RYR3: variants seen among roughly 807,000 people sequenced by gnomAD.
RYR3 encodes the protein brain ryanodine receptor-calcium release channel.
A neutral mutation model predicts 584.3 loss-of-function variants in RYR3; 207 were observed. That is an observed-to-expected ratio of 0.35 (90% CI 0.32 to 0.40). The LOEUF (loss-of-function observed/expected upper bound fraction) is 0.40. RYR3 is among the 10% of genes least tolerant of loss of function. RYR3 has a pLI of 1.00. For missense variants in RYR3, 5,616 were observed against 6,089.2 expected (o/e 0.92, Z 2.59); for synonymous variants, 2,416 against 2,248.5 (o/e 1.07, Z -2.11).
chr15:33,749,476 C>T (rs1016490482), intron 55 of RYR3, among the ~76,000 whole-genome samples: 2 of 152,176 alleles, frequency 1.3e-5, no homozygotes, highest in Admixed American at 1.3e-4. Context: ...AAAGTACATC[C>T]TTCATTCTAA....
chr15:33,457,842 A>G (rs182501902), intron 1 of RYR3, among the ~76,000 whole-genome samples: 4 of 152,308 alleles, frequency 2.6e-5, no homozygotes, highest in Admixed American at 2.6e-4. Context: ...CAAACTTGCA[A>G]TTATGTGTTC....
intron 60 of RYR3, among the ~76,000 whole-genome samples, chr15:33,767,348 C>T (rs575821425): frequency 6.6e-6 from 1 of 152,072 alleles, no homozygotes; most frequent in African/African-American, 2.4e-5. Context: ...AAAAAAAGAG[C>T]AGCCGATATT....
intron 43 of RYR3, among the ~76,000 whole-genome samples, chr15:33,707,815 AGTT>A (rs2066823459): frequency 6.6e-6 from 1 of 151,668 alleles, no homozygotes; most frequent in South Asian, 2.1e-4. Flanking sequence ...CAATCATGCC[AGTT>A]GTTCTAAGAA....
intron 1 of RYR3, among the ~76,000 whole-genome samples, chr15:33,471,594 TAA>T (rs3084420): frequency 0.46 from 64,650 of 142,014 alleles, 14,493 homozygotes; most frequent in Middle Eastern, 0.54. Context: ...CATGCCTTTG[TAA>T]AAAAAAAAAA....
chr15:33,698,783 G>C (rs572520546), intron 40 of RYR3, among the ~76,000 whole-genome samples: 244 of 152,194 alleles, frequency 1.6e-3, no homozygotes, highest in Non-Finnish European at 3.1e-3. Context: ...CTGAGCACAT[G>C]TCTGGATGCC....
chr15:33,452,370 C>T (rs1471899655), intron 1 of RYR3, among the ~76,000 whole-genome samples: 2 of 152,150 alleles, frequency 1.3e-5, no homozygotes, highest in Non-Finnish European at 2.9e-5. Flanking sequence ...TTTAAAGCAG[C>T]ATCTCAATTG....
intron 1 of RYR3, among the ~76,000 whole-genome samples, chr15:33,332,923 G>T (rs1410216393): frequency 2.0e-5 from 3 of 151,968 alleles, no homozygotes; most frequent in Admixed American, 1.3e-4. Flanking sequence ...ACTCAACTTT[G>T]TTTTTGTAGC....
intron 80 of RYR3, 43 bp from the exon 81 acceptor site, chr15:33,822,953 T>C (rs2077187690): frequency 1.3e-6 from 2 of 1,537,650 alleles, no homozygotes; most frequent in Non-Finnish European, 1.8e-6. Context: ...CTCTGTGGTA[T>C]AGTTTTCATC....
chr15:33,326,718 T>G (rs1969748751), intron 1 of RYR3, among the ~76,000 whole-genome samples: 1 of 149,520 alleles, frequency 6.7e-6, no homozygotes, highest in African/African-American at 2.5e-5. Flanking sequence ...AGACTGACTG[T>G]GTTGGGAGAT....
chr15:33,484,217 T>G (rs1327230338), intron 2 of RYR3, among the ~76,000 whole-genome samples: 1 of 152,058 alleles, frequency 6.6e-6, no homozygotes, highest in Non-Finnish European at 1.5e-5. Flanking sequence ...AATTGAAGTC[T>G]TATAAAGAAA....
rs745783470 is a variant in RYR3, at chr15:33,722,739, G to A, written c.6644G>A (p.Ser2215Asn). Reference protein sequence around the residue: ...VNSESVEENASVVVKLLIRRP... With the variant: ...VNSESVEENANVVVKLLIRRP... ...GGTGAGAGTGTGGAAGAAAACGCCA[G>A]CGTTGTGGTCAAGCTGCTCATCAGA... The change falls in exon 44 of 104, where the codon AGC (serine) becomes AAC (asparagine). Residue 2215 changes from serine (S) to asparagine (N), a missense_variant. Transcript: ENST00000634891. 7.4e-6 allele frequency: 12 copies of A among 1,612,762 alleles called. No homozygotes were observed. In the Admixed American group the frequency reaches 8.4e-5, roughly 11 times the overall value.
intron 98 of RYR3, among the ~76,000 whole-genome samples, chr15:33,857,305 C>T (rs1249774618): frequency 2.6e-5 from 4 of 152,074 alleles, no homozygotes; most frequent in South Asian, 4.2e-4. Flanking sequence ...AGCACCCTCT[C>T]GCTGCCGCTT....
intron 42 of RYR3, among the ~76,000 whole-genome samples, chr15:33,705,101 T>TTTTCTCTCTCTCTCTCTCTCTCTC (rs1555417955): frequency 7.0e-6 from 1 of 142,104 alleles, no homozygotes; most frequent in African/African-American, 2.7e-5. Context: ...CACACACTCT[T>TTTTCTCTCTCTCTCTCTCTCTCTC]TCTCTCTCTC....
chr15:33,540,440 G>GCCCA (rs2055724193), intron 6 of RYR3, among the ~76,000 whole-genome samples: 1 of 152,048 alleles, frequency 6.6e-6, no homozygotes, highest in African/African-American at 2.4e-5. Context: ...AAATCTGTGG[G>GCCCA]CAGATTTTAC....
At chr15:33,624,070 TAG>T (rs767944602) in intron 20 of RYR3, 47 bp downstream of exon 20, 11 of 1,223,460 alleles carry the variant, frequency 9.0e-6, no homozygotes, top group Non-Finnish European at 1.3e-5. Context: ...GATGAAGCAA[TAG>T]AGTTAAATAC....
rs1047352854 is a variant in RYR3 at position 33,821,589 on chromosome 15, C to T, written c.10982C>T (p.Ala3661Val). ...LGIAILNGGNAGVQQKMLDYL... is the reference protein window; with the variant it reads ...LGIAILNGGNVGVQQKMLDYL... ...ATCGCCATTCTGAACGGAGGCAATG[C>T]TGGTGTGCAACAGGTAACGGGAACT... Residue 3661 changes from alanine (A) to valine (V), a missense_variant, in exon 80 of 104, where the codon GCT becomes GTT. This residue lies in a region of RYR3 where 954 missense variants were observed against 1,132.2 expected (regional missense o/e 0.84). Transcript: ENST00000634891. The T allele has an allele frequency of 1.9e-5, 31 of 1,613,822 alleles. No individual in the cohort carries two copies. The highest frequency in any genetic ancestry group is 2.5e-5 in the Non-Finnish European group (30 of 1,179,874).
chr15:33,684,774 A>G (rs1160370746), intron 38 of RYR3, among the ~76,000 whole-genome samples: 4 of 152,264 alleles, frequency 2.6e-5, no homozygotes, highest in African/African-American at 9.6e-5. Flanking sequence ...CCTGCAAGCC[A>G]GAAGAGGGTG....
chr15:33,645,369 C>T (rs978079416), intron 28 of RYR3, among the ~76,000 whole-genome samples: 2 of 152,150 alleles, frequency 1.3e-5, no homozygotes, highest in Admixed American at 1.3e-4. Flanking sequence ...CCCATTGCAG[C>T]TTTAGTCAAG....
intron 1 of RYR3, among the ~76,000 whole-genome samples, chr15:33,467,128 C>T (rs2142148620): frequency 6.6e-6 from 1 of 152,308 alleles, no homozygotes; most frequent in Non-Finnish European, 1.5e-5. Flanking sequence ...TCCCTAAGTG[C>T]CTGATGTTTA....
Sources: gnomAD v4.1 joint callset for allele counts (sites outside exome capture counted in the v4.1 genomes callset) on GRCh38, gnomAD v4.1.1 for gene constraint, gnomAD v4.1.1 regional missense constraint, MANE v1.5 for transcripts, NCBI Gene and HGNC (gene_info 2026-07-23, HGNC 2026-07-21) for gene names.